The following TRAPPC13 variants were observed in gnomAD, a reference collection of about 807,000 sequenced individuals.
The protein encoded by TRAPPC13 is trafficking protein particle complex subunit 13, also known as REV7-interacting novel NHEJ regulator 1.
In TRAPPC13, 39 loss-of-function variants were observed where a neutral mutation model predicts 54.0. That is an observed-to-expected ratio of 0.72 (90% CI 0.56 to 0.94). The LOEUF (loss-of-function observed/expected upper bound fraction) is 0.94, where lower values mean the gene tolerates loss of function less well. Ranked by LOEUF, TRAPPC13 falls within the 40% of genes least tolerant of loss-of-function variation. TRAPPC13 has a pLI of 0.00. For synonymous variants in TRAPPC13, 148 were observed against 167.7 expected (o/e 0.88, Z 0.91); for missense variants, 386 against 488.1 (o/e 0.79, Z 1.97).
intron 4 of TRAPPC13, among the ~76,000 whole-genome samples, chr5:65,641,496 G>A (rs1466996880): frequency 6.6e-6 from 1 of 152,050 alleles, no homozygotes; most frequent in Admixed American, 6.5e-5. Context: ...TTGAATCCAG[G>A]AGGATCCCCA....
chr5:65,661,832 A>G, intron 10 of TRAPPC13: 1 of 420,202 alleles, frequency 2.4e-6, no homozygotes, highest in Non-Finnish European at 4.2e-6. Context: ...TGGAATAATT[A>G]TATAACAAAA....
At chr5:65,664,144 A>G in intron 11 of TRAPPC13, 93 bp from the exon 12 acceptor site, 1 of 1,299,836 alleles carries the variant, frequency 7.7e-7, no homozygotes, top group Non-Finnish European at 1.1e-6. Flanking sequence ...CTGGATATGG[A>G]GAAAACAAGT....
rs1757009860 is a variant in TRAPPC13, at chr5:65,665,562, T to C, written c.*951T>C. On this transcript the variant is annotated 3_prime_UTR_variant, in exon 13 of 13. Transcript: ENST00000399438. ...TTTTTAATTAACTATTAACTAAGAATAATACTTATTTTCTAATTATAAGCC... is the reference window on the plus strand; with the variant it reads ...TTTTTAATTAACTATTAACTAAGAACAATACTTATTTTCTAATTATAAGCC... 6.6e-6 allele frequency: 1 copy of C among 152,304 alleles called. No homozygotes were observed. The highest frequency in any genetic ancestry group is 1.9e-4 in the East Asian group (1 of 5,188). 9.4% of individuals were successfully genotyped at this position (152,304 alleles called of 1,614,324 possible).
At chr5:65,663,308 T>C (rs1756906936) in intron 11 of TRAPPC13, 1 of 152,116 alleles carries the variant, frequency 6.6e-6, no homozygotes, top group African/African-American at 2.4e-5. Context: ...TCTATATAAA[T>C]GTCATTCCCT....
Position 65,645,064 on chromosome 5 carries a change from G to A in TRAPPC13, c.301-1991G>A, listed in dbSNP as rs1360388198. Among the ~76,000 whole-genome samples, 3 of 151,900 alleles carry A rather than the reference G, an allele frequency of 2.0e-5. No homozygotes were observed. In the East Asian group the frequency reaches 5.8e-4, roughly 29 times the overall value. ...ATACAAAAAATTAGCTAGATGTGGT[G>A]ACGGGCGCCTGTAATCCCAGCTACT... On this transcript the variant is annotated intron_variant, in intron 4 of 12. Coordinates refer to ENST00000399438, the MANE Select transcript of TRAPPC13 (RefSeq NM_024941.4).
chr5:65,651,842 G>GTTTTTTTTGTTTT (rs1756457486), intron 6 of TRAPPC13, among the ~76,000 whole-genome samples: 1 of 41,136 alleles, frequency 2.4e-5, no homozygotes, highest in Non-Finnish European at 4.3e-5. Context: ...ACGTGATTCA[G>GTTTTTTTTGTTTT]TTTTTTTTTT....
chr5:65,638,549 A>T (rs1269361356), intron 4 of TRAPPC13, among the ~76,000 whole-genome samples: 1 of 152,200 alleles, frequency 6.6e-6, no homozygotes, highest in Non-Finnish European at 1.5e-5. Context: ...AACAAATTTC[A>T]CTTGGTAAGA....
intron 2 of TRAPPC13, 83 bp downstream of exon 2, chr5:65,635,452 C>T (rs1220048622): frequency 7.2e-6 from 8 of 1,113,774 alleles, no homozygotes; most frequent in African/African-American, 1.6e-5. Flanking sequence ...TAAGCCTAGC[C>T]CTGTAAATTT....
intron 4 of TRAPPC13, among the ~76,000 whole-genome samples, chr5:65,639,934 G>A (rs1418052985): frequency 1.3e-5 from 2 of 152,176 alleles, no homozygotes; most frequent in African/African-American, 2.4e-5. Flanking sequence ...GGTAATTGGA[G>A]TATTCCAAAA....
chr5:65,631,963 CT>C (rs909563024), intron 1 of TRAPPC13, among the ~76,000 whole-genome samples: 2 of 150,834 alleles, frequency 1.3e-5, no homozygotes, highest in Non-Finnish European at 2.9e-5. Flanking sequence ...TGTATTTTCT[CT>C]TTATTCAGAT....
At chr5:65,644,301 C>G (rs1324017549) in intron 4 of TRAPPC13, among the ~76,000 whole-genome samples, 1 of 152,094 alleles carries the variant, frequency 6.6e-6, no homozygotes. Flanking sequence ...CTCAGCCTCC[C>G]GAGTAGCTGG....
At chr5:65,661,604 G>A (rs71632534) in intron 10 of TRAPPC13, 5,263 of 152,882 alleles carry the variant, frequency 0.034, 147 homozygotes, top group South Asian at 0.088. Context: ...CCAAGCCTTC[G>A]TGTTGTTATA....
rs376568067 is a variant in TRAPPC13, at chr5:65,643,155, G to A, written c.301-3900G>A. Among the ~76,000 whole-genome samples, 11 of 151,640 alleles carry A rather than the reference G, an allele frequency of 7.3e-5. No individual in the cohort carries two copies. In the East Asian group the frequency reaches 2.1e-3, roughly 29 times the overall value. On this transcript the variant is annotated intron_variant, in intron 4 of 12. Coordinates refer to ENST00000399438, the MANE Select transcript of TRAPPC13 (RefSeq NM_024941.4). Reference sequence around the variant, plus strand: ...GTTTAATGGAAAAGCTTTTTAGGGGGAAAGGCTTTTTTTTTTCTATTTTAA... The same window carrying A: ...GTTTAATGGAAAAGCTTTTTAGGGGAAAAGGCTTTTTTTTTTCTATTTTAA...
At chr5:65,630,164 A>T (rs980404865) in intron 1 of TRAPPC13, 1 of 1,535,928 alleles carries the variant, frequency 6.5e-7, no homozygotes, top group Admixed American at 2.0e-5. Context: ...TCAAATTATT[A>T]GGCACAATGA....
chr5:65,626,206 A>C (rs549951427), intron 1 of TRAPPC13: 2 of 152,352 alleles, frequency 1.3e-5, no homozygotes, highest in African/African-American at 4.8e-5. Context: ...TCTCACTTCA[A>C]GTATGTGGAG....
At chr5:65,651,184 G>A (rs182580220) in intron 6 of TRAPPC13, among the ~76,000 whole-genome samples, 7 of 152,302 alleles carry the variant, frequency 4.6e-5, no homozygotes, top group Admixed American at 4.6e-4. Flanking sequence ...GCTTTGGGAA[G>A]CAAAGTGGGG....
chr5:65,664,275 C>G lies in TRAPPC13; in HGVS notation c.1037C>G (p.Thr346Ser), dbSNP rs182838774. The G allele has an allele frequency of 4.0e-4, 650 of 1,613,840 alleles. 2 individuals are homozygous for G. Among genetic ancestry groups the G allele is most frequent in the Non-Finnish European group, 1.9e-5 (23 of 1,179,772 alleles). ...GATCTGGTTTTGGAAATGTGCAATACCAATTCCATCCACTGGTGTGGAATT... is the reference window on the plus strand; with the variant it reads ...GATCTGGTTTTGGAAATGTGCAATAGCAATTCCATCCACTGGTGTGGAATT... ...TMDLVLEMCN[T>S]NSIHWCGISG... is the part of the protein sequence containing the mutation. Residue 346 changes from threonine (T) to serine (S), a missense_variant, in exon 12 of 13, where the codon ACC becomes AGC. By Grantham distance (58) the Thr-to-Ser change is moderately conservative. Coordinates refer to ENST00000399438, the MANE Select transcript of TRAPPC13 (RefSeq NM_024941.4).
intron 1 of TRAPPC13, among the ~76,000 whole-genome samples, chr5:65,629,005 A>G (rs1755395615): frequency 6.6e-6 from 1 of 152,044 alleles, no homozygotes; most frequent in Non-Finnish European, 1.5e-5. Flanking sequence ...TATTTTGAGT[A>G]GAGATGGGTT....
rs1756556257 is a variant in TRAPPC13 at position 65,653,717 on chromosome 5, C to T, written c.546+1172C>T. 3.3e-5 allele frequency among the ~76,000 whole-genome samples: 5 copies of T among 152,044 alleles called. No individual in the cohort carries two copies. In the South Asian group the frequency reaches 1.0e-3, roughly 32 times the overall value. ...CAGTGAAGGCATTCAAGCAGGGTTACAAATGGACATGAAGTATCAAGTACA... is the reference window on the plus strand; with the variant it reads ...CAGTGAAGGCATTCAAGCAGGGTTATAAATGGACATGAAGTATCAAGTACA... On this transcript the variant is annotated intron_variant, in intron 7 of 12. Transcript: ENST00000399438.
Sources: allele counts gnomAD v4.1 joint callset (sites outside exome capture counted in the v4.1 genomes callset), GRCh38; gene constraint gnomAD v4.1.1; transcripts MANE v1.5; gene names NCBI Gene and HGNC (gene_info 2026-07-23, HGNC 2026-07-21).